DOCK11: variants seen among roughly 807,000 people sequenced by gnomAD.
DOCK11 encodes the protein dedicator of cytokinesis 11.
A neutral mutation model predicts 169.1 loss-of-function variants in DOCK11; 70 were observed. That is an observed-to-expected ratio of 0.41 (90% CI 0.34 to 0.51). The LOEUF (loss-of-function observed/expected upper bound fraction) is 0.51, where lower values mean the gene tolerates loss of function less well. Among genes scored for constraint, DOCK11 ranks in the 20% least tolerant of loss-of-function variants. DOCK11 has a pLI of 0.10. For synonymous variants in DOCK11, 529 were observed against 541.3 expected (o/e 0.98, Z 0.32); for missense variants, 1,166 against 1,538.8 (o/e 0.76, Z 4.05).
chrX:118,632,983 A>AGGGGGGGGGGGGGGGGGGGGGGGGGGG (rs2015290485), intron 35 of DOCK11: 1 of 3,081 alleles, frequency 3.2e-4, no homozygotes, highest in Non-Finnish European at 7.1e-4. Flanking sequence ...GGGGGGGGTG[A>AGGGGGGGGGGGGGGGGGGGGGGGGGGG]GGGGGGTGGG....
At chrX:118,537,674 C>T (rs1205462254) in intron 1 of DOCK11, among the ~76,000 whole-genome samples, 3 of 111,333 alleles carry the variant, frequency 2.7e-5, no homozygotes, top group African/African-American at 9.8e-5. Context: ...TATACACATA[C>T]AGTTACGATG....
chrX:118,683,020 G>A, intron 51 of DOCK11, 59 bp from the exon 52 acceptor site: 1 of 1,109,923 alleles, frequency 9.0e-7, no homozygotes. Context: ...CAAATGGATT[G>A]TCAGTGATAC....
chrX:118,611,798 A>G (rs2147464147), intron 28 of DOCK11, among the ~76,000 whole-genome samples: 1 of 110,828 alleles, frequency 9.0e-6, no homozygotes, highest in South Asian at 3.9e-4. Context: ...TCTGTCACCC[A>G]GGCTGGAGTG....
chrX:118,599,725 G>GT (rs776237529), intron 23 of DOCK11, among the ~76,000 whole-genome samples: 4 of 112,291 alleles, frequency 3.6e-5, no homozygotes, highest in African/African-American at 9.7e-5. Context: ...CTAACACTTG[G>GT]TTTTTTCCCT....
At chrX:118,516,093 CT>C (rs773184047) in intron 1 of DOCK11, among the ~76,000 whole-genome samples, 64 of 54,969 alleles carry the variant, frequency 1.2e-3, no homozygotes, top group Non-Finnish European at 1.5e-3. Context: ...TTTTCTTTTT[CT>C]TTTTTTTTTT....
At chrX:118,538,933 A>AG (rs1465888550) in intron 1 of DOCK11, among the ~76,000 whole-genome samples, 2 of 112,173 alleles carry the variant, frequency 1.8e-5, no homozygotes, top group Non-Finnish European at 3.8e-5. Context: ...ATAATTCTAT[A>AG]GGTCAAAAGG....
At chrX:118,600,904 G>A (rs945702640) in intron 23 of DOCK11, among the ~76,000 whole-genome samples, 1 of 111,020 alleles carries the variant, frequency 9.0e-6, no homozygotes. Context: ...CCTTGGGGAG[G>A]TTGCTGGGAG....
chrX:118,544,030 T>C (rs1411345831), intron 4 of DOCK11, among the ~76,000 whole-genome samples: 1 of 112,427 alleles, frequency 8.9e-6, no homozygotes, highest in African/African-American at 3.2e-5. Context: ...GCATGTTTGG[T>C]TAAATGCAGT....
chrX:118,602,320 C>T (rs907667608), intron 23 of DOCK11, among the ~76,000 whole-genome samples: 2 of 110,456 alleles, frequency 1.8e-5, no homozygotes, highest in African/African-American at 6.6e-5. Context: ...TAGTATTTTC[C>T]TAGCTCTTTG....
intron 23 of DOCK11, among the ~76,000 whole-genome samples, chrX:118,600,228 G>A (rs917911223): frequency 9.1e-6 from 1 of 110,025 alleles, no homozygotes. Context: ...CCATCATGGC[G>A]AAACCCCGTC....
At chrX:118,682,920 T>G (rs1382467991) in intron 51 of DOCK11, among the ~76,000 whole-genome samples, 159 bp from the exon 52 acceptor site, 1 of 111,957 alleles carries the variant, frequency 8.9e-6, no homozygotes, top group African/African-American at 3.2e-5. Flanking sequence ...CATTTCAGAC[T>G]TAGGAAGAGA....
chrX:118,542,534 G>A (rs2012061788), intron 1 of DOCK11, among the ~76,000 whole-genome samples, 191 bp from the exon 2 acceptor site: 1 of 110,303 alleles, frequency 9.1e-6, no homozygotes, highest in African/African-American at 3.3e-5. Context: ...GTGTGTGTGT[G>A]TGTGTGTGTG....
At chrX:118,597,938 A>C in intron 21 of DOCK11, 92 bp from the exon 22 acceptor site, 1 of 670,196 alleles carries the variant, frequency 1.5e-6, no homozygotes, top group East Asian at 3.5e-5. Context: ...TAATACATTC[A>C]TTTCTGAAAA....
At chrX:118,579,608 T>C (rs2013561388) in intron 13 of DOCK11, among the ~76,000 whole-genome samples, 1 of 112,036 alleles carries the variant, frequency 8.9e-6, no homozygotes, top group Non-Finnish European at 1.9e-5. Flanking sequence ...TTAGACTCTA[T>C]AGGCAGTTTA....
intron 44 of DOCK11, among the ~76,000 whole-genome samples, chrX:118,660,139 C>T (rs181818767): frequency 2.5e-4 from 28 of 111,676 alleles, no homozygotes; most frequent in African/African-American, 6.2e-4. Flanking sequence ...TCTCCTAATG[C>T]GCTACTGCAC....
At chrX:118,515,233 C>A (rs2057674955) in intron 1 of DOCK11, among the ~76,000 whole-genome samples, 2 of 111,928 alleles carry the variant, frequency 1.8e-5, no homozygotes, top group South Asian at 3.7e-4. Context: ...TAATTTATTT[C>A]ATTTTGTTTT....
chrX:118,502,533 G>A (rs972563365), intron 1 of DOCK11, among the ~76,000 whole-genome samples: 1 of 111,583 alleles, frequency 9.0e-6, no homozygotes, highest in African/African-American at 3.3e-5. Context: ...CTTAAGATGT[G>A]AGAGACAGAG....
Position 118,606,179 on chromosome X carries a change from T to C in DOCK11, c.2681+823T>C, listed in dbSNP as rs143398771. ...TCGCCTCCCGGGTTCAAGCGATTCT[T>C]CTGCCTCAGCTTCCCGAGTAGCTGG... On this transcript the variant is annotated intron_variant, in intron 24 of 52. Transcript: ENST00000276202. Among the ~76,000 whole-genome samples, 141 of 107,223 alleles carry C rather than the reference T, an allele frequency of 1.3e-3. 1 individual carries two copies. In the East Asian group the frequency reaches 0.035, roughly 27 times the overall value. 93.1% of individuals were successfully genotyped at this position (107,223 alleles called of 115,157 possible).
intron 1 of DOCK11, among the ~76,000 whole-genome samples, chrX:118,531,830 A>ATT (rs35495051): frequency 0.4 from 43,406 of 109,668 alleles, 6,433 homozygotes; most frequent in African/African-American, 0.51. Context: ...AAGTGCTGTG[A>ATT]TTAGAGGTGT....
Sources: gnomAD v4.1 joint callset for allele counts (sites outside exome capture counted in the v4.1 genomes callset) on GRCh38, gnomAD v4.1.1 for gene constraint, MANE v1.5 for transcripts, NCBI Gene and HGNC (gene_info 2026-07-23, HGNC 2026-07-21) for gene names.